BTD: variants seen among roughly 807,000 people sequenced by gnomAD.
BTD encodes biotinidase.
In BTD, 13 loss-of-function variants were observed where a neutral mutation model predicts 17.7. That is an observed-to-expected ratio of 0.74 (90% CI 0.48 to 1.17). The LOEUF (loss-of-function observed/expected upper bound fraction) is 1.17, where lower values mean the gene tolerates loss of function less well. Among genes scored for constraint, BTD ranks in the 50% most tolerant of loss-of-function variants. BTD has a pLI of 0.00. For synonymous variants in BTD, 240 were observed against 245.2 expected, an observed-to-expected ratio of 0.98 and a Z score of 0.20; for missense variants, 674 against 650.4, an observed-to-expected ratio of 1.04 and a Z score of -0.39.
intron 3 of BTD, among the ~76,000 whole-genome samples, chr3:15,689,617 G>GA (rs1476454714): frequency 6.6e-6 from 1 of 152,186 alleles, no homozygotes; most frequent in Admixed American, 6.5e-5. Context: ...GGACAGGCTG[G>GA]AGCATGAGGG....
At chr3:15,689,798 C>A in intron 3 of BTD, 1 of 484,078 alleles carries the variant, frequency 2.1e-6, no homozygotes, top group South Asian at 3.2e-5. Context: ...ATTTAAGTTC[C>A]CTGAACACTG....
chr3:15,634,632 G>A (rs1245576140), intron 1 of BTD, among the ~76,000 whole-genome samples: 2 of 152,160 alleles, frequency 1.3e-5, no homozygotes, highest in African/African-American at 2.4e-5. Context: ...CTAGAAAATT[G>A]CATTTTATCA....
chr3:15,708,187 C>T (rs1240886683), intron 3 of BTD: 3 of 1,105,700 alleles, frequency 2.7e-6, no homozygotes, highest in South Asian at 3.1e-5. Flanking sequence ...CTTAGACTAC[C>T]ATATACTAAG....
In BTD at chr3:15,698,019, TAG is replaced by T. The variant is rs199675513; in HGVS notation, c.400-12038_400-12037del. Among the ~76,000 whole-genome samples the T allele has an allele frequency of 5.8e-3, 887 of 152,294 alleles. 13 individuals carry two copies. Among genetic ancestry groups the T allele is most frequent in the African/African-American group, 0.02 (831 of 41,546 alleles). ...TTCTAGATTTTCTAGTTTATTTGCG[TAG>T]AGGTGTTTATAGTATTCTCTGATTG... is the stretch of plus-strand genomic sequence containing the variant. On this transcript the variant is annotated intron_variant, in intron 3 of 3. Transcript: ENST00000672141.
intron 3 of BTD, among the ~76,000 whole-genome samples, chr3:15,702,161 A>C (rs1293300507): frequency 6.6e-6 from 1 of 152,202 alleles, no homozygotes; most frequent in Non-Finnish European, 1.5e-5. Flanking sequence ...ACTTTTCCCA[A>C]ATCCTTTTGG....
At chr3:15,676,783 C>T in intron 3 of BTD, 2 of 435,798 alleles carry the variant, frequency 4.6e-6, no homozygotes, top group East Asian at 3.9e-5. Flanking sequence ...AATTTCAGTT[C>T]AAAAGCATTT....
At chr3:15,617,095 A>G (rs574007196) in intron 1 of BTD, among the ~76,000 whole-genome samples, 1 of 152,310 alleles carries the variant, frequency 6.6e-6, no homozygotes, top group South Asian at 2.1e-4. Flanking sequence ...GGCCTCCCAA[A>G]GTGCTGGGAT....
chr3:15,609,463 CAT>C (rs2064552512), intron 1 of BTD, among the ~76,000 whole-genome samples: 1 of 152,150 alleles, frequency 6.6e-6, no homozygotes, highest in African/African-American at 2.4e-5. Flanking sequence ...TTCTTGTGCA[CAT>C]GTGTGAGAGT....
intron 3 of BTD, among the ~76,000 whole-genome samples, chr3:15,681,785 A>G (rs2067573020): frequency 6.6e-6 from 1 of 152,192 alleles, no homozygotes; most frequent in Non-Finnish European, 1.5e-5. Context: ...GGCAATGCCT[A>G]CAGACATTTT....
At chr3:15,700,957 C>T (rs560824041) in intron 3 of BTD, among the ~76,000 whole-genome samples, 2 of 152,204 alleles carry the variant, frequency 1.3e-5, no homozygotes, top group East Asian at 1.9e-4. Flanking sequence ...TGTTCAAATT[C>T]CAAGTCTATA....
At chr3:15,684,359 A>T (rs1468060949) in intron 3 of BTD, 1 of 152,196 alleles carries the variant, frequency 6.6e-6, no homozygotes, top group Non-Finnish European at 1.5e-5. Flanking sequence ...TAGGAGGCCA[A>T]AGAAAATCTC....
intron 3 of BTD, chr3:15,709,754 A>G (rs1053785390): frequency 2.6e-6 from 4 of 1,522,614 alleles, no homozygotes; most frequent in East Asian, 2.4e-5. Flanking sequence ...GAGAAAATAC[A>G]GTTAGAAAAC....
At chr3:15,666,046 C>T (rs1327023601) in intron 3 of BTD, among the ~76,000 whole-genome samples, 1 of 152,160 alleles carries the variant, frequency 6.6e-6, no homozygotes, top group African/African-American at 2.4e-5. Context: ...TGTAAGAAGA[C>T]ATCATTCTTT....
chr3:15,601,531 G>A (rs772168842), upstream of BTD: 23 of 1,607,846 alleles, frequency 1.4e-5, no homozygotes, highest in Middle Eastern at 6.6e-4. Context: ...CAAGGCAAAC[G>A]CGAAATCGGC....
intron 4 of BTD, among the ~76,000 whole-genome samples, chr3:15,720,497 T>C (rs1299656366): frequency 2.0e-5 from 3 of 152,210 alleles, no homozygotes; most frequent in Admixed American, 2.0e-4. Flanking sequence ...GTATTTTCCT[T>C]CTAAGAGAAA....
In BTD at chr3:15,606,076, T is replaced by A. The variant is rs1292638249; in HGVS notation, c.-17+4182T>A. Among the ~76,000 whole-genome samples, 18 of 134,780 alleles carry A rather than the reference T, an allele frequency of 1.3e-4. 1 individual carries two copies. Among genetic ancestry groups the A allele is most frequent in the African/African-American group, 4.2e-4 (15 of 35,598 alleles). The allele number at this position is 134,780 out of a possible 152,430, so 88.4% of individuals were successfully genotyped here. Reference sequence around the variant, plus strand: ...AAAAAAAAAAAAAAAAGATGTGAAATCATCTTTGCACTTTGAGTAGTCCTT... The same window carrying A: ...AAAAAAAAAAAAAAAAGATGTGAAAACATCTTTGCACTTTGAGTAGTCCTT... On this transcript the variant is annotated intron_variant, in intron 1 of 3. Coordinates refer to ENST00000643237, the MANE Select transcript of BTD (RefSeq NM_001370658.1).
intron 1 of BTD, among the ~76,000 whole-genome samples, chr3:15,625,264 C>T (rs1335128402): frequency 6.6e-6 from 1 of 152,120 alleles, no homozygotes; most frequent in African/African-American, 2.4e-5. Context: ...CCCACTCAGG[C>T]GGGACAGAAT....
At chr3:15,673,212 C>T (rs968660639) in intron 3 of BTD, among the ~76,000 whole-genome samples, 18 of 152,220 alleles carry the variant, frequency 1.2e-4, no homozygotes, top group African/African-American at 4.3e-4. Context: ...GATTTGAAGA[C>T]CCTCTTAAGT....
At chr3:15,679,164 C>T (rs2067265452) in intron 3 of BTD, 2 of 727,592 alleles carry the variant, frequency 2.7e-6, no homozygotes, top group Admixed American at 2.3e-5. Context: ...AGATGCAGGT[C>T]TTGCTATGTT....
Sources: gnomAD v4.1 joint callset for allele counts (sites outside exome capture counted in the v4.1 genomes callset) on GRCh38, gnomAD v4.1.1 for gene constraint, MANE v1.5 for transcripts, NCBI Gene and HGNC (gene_info 2026-07-23, HGNC 2026-07-21) for gene names.